The following ANKS1B variants were observed in gnomAD, a reference collection of about 807,000 sequenced individuals.
ANKS1B encodes the protein ankyrin repeat and sterile alpha motif domain containing 1B.
Under a neutral mutation model 148.3 loss-of-function variants are expected in ANKS1B, and 36 were observed. That is an observed-to-expected ratio of 0.24 (90% CI 0.19 to 0.32). ANKS1B has a LOEUF of 0.32. Among genes scored for constraint, ANKS1B ranks in the 10% least tolerant of loss-of-function variants. The probability of loss-of-function intolerance (pLI) is 1.00; values close to 1 mark genes in which losing one functional copy is unlikely to be tolerated. For synonymous variants in ANKS1B, 542 were observed against 560.8 expected (o/e 0.97, Z 0.47); for missense variants, 1,157 against 1,542.6 (o/e 0.75, Z 4.19).
intron 1 of ANKS1B, among the ~76,000 whole-genome samples, chr12:99,853,981 A>C (rs947426634): frequency 6.6e-6 from 1 of 152,038 alleles, no homozygotes; most frequent in Non-Finnish European, 1.5e-5. Context: ...AAAACTTCAG[A>C]GCTCAAAGAC....
chr12:99,392,922 A>C (rs578172991), intron 12 of ANKS1B, among the ~76,000 whole-genome samples: 10 of 152,196 alleles, frequency 6.6e-5, no homozygotes, highest in African/African-American at 2.2e-4. Context: ...TTCAAATTAA[A>C]ATGTTCAAAA....
chr12:99,607,278 C>G (rs2097857865), intron 9 of ANKS1B, among the ~76,000 whole-genome samples: 1 of 152,040 alleles, frequency 6.6e-6, no homozygotes, highest in South Asian at 2.1e-4. Flanking sequence ...TTTATGGGAG[C>G]CTAGCAGTCA....
At chr12:99,679,045 G>A (rs1469664862) in intron 8 of ANKS1B, among the ~76,000 whole-genome samples, 4 of 152,104 alleles carry the variant, frequency 2.6e-5, no homozygotes, top group Admixed American at 6.5e-5. Context: ...AAATGAAAAC[G>A]TCACTGAAGA....
At chr12:99,092,347 C>T (rs1160684786) in intron 15 of ANKS1B, among the ~76,000 whole-genome samples, 1 of 151,796 alleles carries the variant, frequency 6.6e-6, no homozygotes, top group Non-Finnish European at 1.5e-5. Context: ...TTTTAGCTCC[C>T]ACTGTGGTAC....
chr12:99,734,252 C>G (rs1194043239), intron 8 of ANKS1B, among the ~76,000 whole-genome samples: 1 of 152,100 alleles, frequency 6.6e-6, no homozygotes, highest in Non-Finnish European at 1.5e-5. Context: ...CCTTGTTCTA[C>G]AGATTTAACA....
intron 16 of ANKS1B, among the ~76,000 whole-genome samples, chr12:99,074,525 A>T (rs1454299312): frequency 6.6e-6 from 1 of 152,170 alleles, no homozygotes; most frequent in African/African-American, 2.4e-5. Context: ...CATTTTGTAC[A>T]TATGGGGCTT....
At chr12:99,586,912 C>A (rs968586840) in intron 9 of ANKS1B, among the ~76,000 whole-genome samples, 4 of 152,124 alleles carry the variant, frequency 2.6e-5, no homozygotes, top group Admixed American at 2.6e-4. Flanking sequence ...CCATTGGGTA[C>A]CTTCCACAAC....
At chr12:99,583,299 A>G (rs1284500581) in intron 9 of ANKS1B, among the ~76,000 whole-genome samples, 1 of 152,198 alleles carries the variant, frequency 6.6e-6, no homozygotes, top group African/African-American at 2.4e-5. Flanking sequence ...AAACCTACAG[A>G]AACATGAATA....
chr12:99,007,148 T>C (rs2099936615), intron 17 of ANKS1B, among the ~76,000 whole-genome samples: 1 of 152,226 alleles, frequency 6.6e-6, no homozygotes, highest in Admixed American at 6.5e-5. Context: ...CACAGTCACC[T>C]TAAGGATGTG....
chr12:99,026,634 T>C (rs1045965037), intron 17 of ANKS1B, among the ~76,000 whole-genome samples: 3 of 149,562 alleles, frequency 2.0e-5, no homozygotes, highest in Non-Finnish European at 3.0e-5. Context: ...AAAAAAAAAA[T>C]CTAGATTTTT....
chr12:99,225,051 T>C (rs994873777), intron 14 of ANKS1B, among the ~76,000 whole-genome samples: 1 of 152,184 alleles, frequency 6.6e-6, no homozygotes, highest in African/African-American at 2.4e-5. Flanking sequence ...GTTTATATCA[T>C]GGAAAAAGCT....
intron 14 of ANKS1B, among the ~76,000 whole-genome samples, chr12:99,161,127 G>A (rs1322139785): frequency 1.3e-5 from 2 of 152,146 alleles, no homozygotes; most frequent in Non-Finnish European, 2.9e-5. Flanking sequence ...GGGAAGTATG[G>A]CCATTTTAAC....
chr12:99,642,392 C>A (rs1318462351), intron 9 of ANKS1B, among the ~76,000 whole-genome samples: 1 of 152,058 alleles, frequency 6.6e-6, no homozygotes, highest in African/African-American at 2.4e-5. Flanking sequence ...TAACAAACCG[C>A]CACAAACTTA....
chr12:99,888,556 A>C (rs188808283), intron 1 of ANKS1B, among the ~76,000 whole-genome samples: 1 of 152,312 alleles, frequency 6.6e-6, no homozygotes. Context: ...CCAGAAATAC[A>C]CTTTTAAGTG....
intron 10 of ANKS1B, among the ~76,000 whole-genome samples, chr12:99,497,561 T>C (rs965883188): frequency 5.9e-5 from 9 of 152,170 alleles, no homozygotes; most frequent in African/African-American, 1.4e-4. Context: ...TATCTTCACA[T>C]TGTCTTCCCT....
chr12:99,500,834 T>A (rs769160023), intron 10 of ANKS1B, among the ~76,000 whole-genome samples: 3 of 152,200 alleles, frequency 2.0e-5, no homozygotes, highest in Admixed American at 6.5e-5. Flanking sequence ...ATTTGTCACA[T>A]TCTCTCTTTC....
intron 16 of ANKS1B, among the ~76,000 whole-genome samples, chr12:99,061,396 G>A (rs1754361521): frequency 6.6e-6 from 1 of 152,166 alleles, no homozygotes; most frequent in Non-Finnish European, 1.5e-5. Flanking sequence ...TAGGAATCAT[G>A]CAGAGAATCT....
intron 19 of ANKS1B, among the ~76,000 whole-genome samples, chr12:98,817,554 AC>A (rs1353558320): frequency 6.6e-6 from 1 of 151,782 alleles, no homozygotes; most frequent in Non-Finnish European, 1.5e-5. Context: ...ACAGAGGAAC[AC>A]TCCTCCTTCT....
chr12:99,730,478 C>T (rs79956477), intron 8 of ANKS1B, among the ~76,000 whole-genome samples: 2,572 of 152,244 alleles, frequency 0.017, 69 homozygotes, highest in African/African-American at 0.059. Flanking sequence ...CAGAGTACAA[C>T]ACTCACTTTA....
Sources: allele counts gnomAD v4.1 joint callset (sites outside exome capture counted in the v4.1 genomes callset), GRCh38; gene constraint gnomAD v4.1.1; transcripts MANE v1.5; gene names NCBI Gene and HGNC (gene_info 2026-07-23, HGNC 2026-07-21).